The following CFAP299 variants were observed in gnomAD, a reference collection of about 807,000 sequenced individuals.
CFAP299 encodes the protein cilia- and flagella-associated protein 299.
In CFAP299, 21 loss-of-function variants were observed where a neutral mutation model predicts 27.0. That is an observed-to-expected ratio of 0.78 (90% CI 0.55 to 1.12). The LOEUF (loss-of-function observed/expected upper bound fraction) is 1.12. CFAP299 is among the 50% of genes most tolerant of loss of function. CFAP299 has a pLI of 0.00. For missense variants in CFAP299, 310 were observed against 276.6 expected (o/e 1.12, Z -0.86); for synonymous variants, 104 against 98.1 (o/e 1.06, Z -0.36).
At chr4:80,416,859 T>C (rs1232879839) in intron 2 of CFAP299, among the ~76,000 whole-genome samples, 1 of 152,206 alleles carries the variant, frequency 6.6e-6, no homozygotes, top group Non-Finnish European at 1.5e-5. Flanking sequence ...TTATTGTTAC[T>C]GGAAAAGAGT....
chr4:80,943,864 C>T (rs1005110331), intron 4 of CFAP299, among the ~76,000 whole-genome samples: 4 of 151,884 alleles, frequency 2.6e-5, no homozygotes, highest in African/African-American at 7.2e-5. Flanking sequence ...GTCAAAAGAT[C>T]GAGACCATCC....
chr4:80,573,682 G>C (rs1735705875), intron 2 of CFAP299, among the ~76,000 whole-genome samples: 1 of 151,974 alleles, frequency 6.6e-6, no homozygotes, highest in Non-Finnish European at 1.5e-5. Context: ...TCTGTATATG[G>C]ATATTCAGTA....
At chr4:80,760,056 G>A (rs1725464350) in intron 3 of CFAP299, among the ~76,000 whole-genome samples, 1 of 151,882 alleles carries the variant, frequency 6.6e-6, no homozygotes, top group Non-Finnish European at 1.5e-5. Flanking sequence ...TCAATTTTAT[G>A]CTTTTCATTA....
At chr4:80,491,869 AG>A (rs1186169609) in intron 2 of CFAP299, among the ~76,000 whole-genome samples, 2 of 152,214 alleles carry the variant, frequency 1.3e-5, no homozygotes, top group African/African-American at 4.8e-5. Context: ...GCTTCTGTAA[AG>A]AATCTCTATT....
upstream of CFAP299, among the ~76,000 whole-genome samples, chr4:80,335,183 A>C (rs902170131): frequency 2.5e-4 from 38 of 152,196 alleles, no homozygotes; most frequent in African/African-American, 8.9e-4. Context: ...AAGTGCAAGA[A>C]CTTGGTGCCA....
intron 3 of CFAP299, among the ~76,000 whole-genome samples, chr4:80,843,284 A>G (rs6832945): frequency 0.11 from 17,206 of 151,620 alleles, 1,230 homozygotes; most frequent in Middle Eastern, 0.2. Context: ...CCTGTGTCCA[A>G]GTGTTCTCAT....
chr4:80,696,412 A>G (rs1721097515), intron 3 of CFAP299, among the ~76,000 whole-genome samples: 1 of 152,166 alleles, frequency 6.6e-6, no homozygotes, highest in Non-Finnish European at 1.5e-5. Context: ...ATGAAGAATA[A>G]TTATAGTCTT....
intron 3 of CFAP299, among the ~76,000 whole-genome samples, chr4:80,844,325 T>G (rs1397782943): frequency 2.6e-5 from 4 of 152,094 alleles, no homozygotes; most frequent in African/African-American, 9.7e-5. Context: ...TGAGGAATCA[T>G]CACACTGACT....
intron 2 of CFAP299, among the ~76,000 whole-genome samples, chr4:80,517,581 A>G (rs751095644): frequency 6.6e-6 from 1 of 152,218 alleles, no homozygotes; most frequent in African/African-American, 2.4e-5. Flanking sequence ...CGATGTAGCC[A>G]GAGATTTGAG....
intron 2 of CFAP299, among the ~76,000 whole-genome samples, chr4:80,446,632 C>T (rs937821958): frequency 6.6e-6 from 1 of 152,106 alleles, no homozygotes; most frequent in Non-Finnish European, 1.5e-5. Context: ...ATACAGCTGT[C>T]TTCTATCCAT....
intron 3 of CFAP299, among the ~76,000 whole-genome samples, chr4:80,826,096 G>A (rs1176744477): frequency 6.6e-6 from 1 of 151,808 alleles, no homozygotes; most frequent in Non-Finnish European, 1.5e-5. Flanking sequence ...GAGTGAGGAT[G>A]AAACTGTATA....
intron 2 of CFAP299, among the ~76,000 whole-genome samples, chr4:80,400,968 A>G (rs1726121759): frequency 1.3e-5 from 2 of 152,190 alleles, no homozygotes; most frequent in South Asian, 2.1e-4. Flanking sequence ...GACTGTTGCT[A>G]TGTTTCATCA....
chr4:80,805,850 G>T (rs1297658034), intron 3 of CFAP299, among the ~76,000 whole-genome samples: 3 of 152,016 alleles, frequency 2.0e-5, no homozygotes, highest in African/African-American at 4.8e-5. Flanking sequence ...CTCCAGCCTG[G>T]CTGAGAGAGC....
At chr4:80,611,256 TG>T (rs1484583511) in intron 3 of CFAP299, among the ~76,000 whole-genome samples, 4 of 152,126 alleles carry the variant, frequency 2.6e-5, no homozygotes, top group African/African-American at 9.7e-5. Context: ...TTTAACACCA[TG>T]TTTTTTTCTT....
intron 2 of CFAP299, among the ~76,000 whole-genome samples, chr4:80,520,882 G>A (rs1432294909): frequency 1.3e-5 from 2 of 151,998 alleles, no homozygotes; most frequent in Non-Finnish European, 1.5e-5. Context: ...ATGTAAATTC[G>A]ATGTGAGAAA....
intron 2 of CFAP299, among the ~76,000 whole-genome samples, chr4:80,564,032 T>A (rs1235284862): frequency 6.6e-6 from 1 of 151,928 alleles, no homozygotes; most frequent in East Asian, 1.9e-4. Flanking sequence ...AGATCAGAGC[T>A]GTAATAAAAA....
At chr4:80,849,422 G>A (rs143048798) in intron 3 of CFAP299, among the ~76,000 whole-genome samples, 217 of 152,244 alleles carry the variant, frequency 1.4e-3, no homozygotes, top group African/African-American at 4.7e-3. Context: ...TTCCCAAGAC[G>A]ATGGTAAAAA....
At chr4:80,468,885 T>C (rs559029152) in intron 2 of CFAP299, among the ~76,000 whole-genome samples, 1 of 151,526 alleles carries the variant, frequency 6.6e-6, no homozygotes, top group African/African-American at 2.4e-5. Context: ...GAATTAGTTA[T>C]TAGTTTTAGA....
intron 3 of CFAP299, among the ~76,000 whole-genome samples, chr4:80,783,495 A>T (rs2110093243): frequency 6.6e-6 from 1 of 152,326 alleles, no homozygotes; most frequent in East Asian, 1.9e-4. Flanking sequence ...ATTATAATGT[A>T]TTCAAAAACT....
Sources: gnomAD v4.1 joint callset for allele counts (sites outside exome capture counted in the v4.1 genomes callset) on GRCh38, gnomAD v4.1.1 for gene constraint, MANE v1.5 for transcripts, NCBI Gene and HGNC (gene_info 2026-07-23, HGNC 2026-07-21) for gene names.